Variants in FAM149A observed in about 807,000 individuals in gnomAD.
The protein encoded by FAM149A is family with sequence similarity 149 member A.
Under a neutral mutation model 78.2 loss-of-function variants are expected in FAM149A, and 71 were observed. The ratio of observed to expected loss-of-function variants is 0.91; its 90% CI spans 0.75 to 1.11. The LOEUF (loss-of-function observed/expected upper bound fraction) is 1.11. Among genes scored for constraint, FAM149A ranks in the 50% least tolerant of loss-of-function variants. FAM149A has a pLI of 0.00. For synonymous variants in FAM149A, 446 were observed against 410.5 expected, an observed-to-expected ratio of 1.09 and a Z score of -1.04; for missense variants, 1,036 against 971.0, an observed-to-expected ratio of 1.07 and a Z score of -0.89.
At chr4:186,152,365 C>G (rs73873739) in intron 4 of FAM149A, among the ~76,000 whole-genome samples, 315 of 152,250 alleles carry the variant, frequency 2.1e-3, no homozygotes, top group African/African-American at 7.2e-3. Flanking sequence ...CAGCACATGT[C>G]TGTCTTCATC....
chr4:186,147,499 G>A (rs1733149645), intron 1 of FAM149A, among the ~76,000 whole-genome samples: 1 of 152,218 alleles, frequency 6.6e-6, no homozygotes, highest in South Asian at 2.1e-4. Flanking sequence ...GAATTCAGGA[G>A]AGGAAAAGTT....
intron 1 of FAM149A, among the ~76,000 whole-genome samples, chr4:186,106,278 C>A (rs2099308718): frequency 6.6e-6 from 1 of 152,196 alleles, no homozygotes; most frequent in Admixed American, 6.5e-5. Context: ...AACATTTTCA[C>A]TGGGAATCGG....
intron 1 of FAM149A, among the ~76,000 whole-genome samples, chr4:186,133,680 G>A (rs1156523585): frequency 6.6e-6 from 1 of 152,068 alleles, no homozygotes; most frequent in Non-Finnish European, 1.5e-5. Context: ...TTTAGAGATG[G>A]GGTCCTGCTC....
At chr4:186,167,509 CTCA>C (rs1465065921) in intron 13 of FAM149A, 23 of 272,536 alleles carry the variant, frequency 8.4e-5, no homozygotes, top group East Asian at 2.5e-4. Context: ...GGGGGCCTCA[CTCA>C]AAAAAAAAAA....
Position 186,164,631 on chromosome 4 carries a change from C to T in FAM149A, c.1890-713C>T, listed in dbSNP as rs541991943. ...CTCCCTCCTCCGCCTCGCTTCCCCC[C>T]ATGCCAGTCAGCAGCACACGGTGCC... On this transcript the variant is annotated intron_variant, in intron 10 of 13. Transcript: ENST00000389354. The surrounding 1 kb of genome is among the most constrained non-coding windows in gnomAD (Gnocchi z 4.0). The T allele has an allele frequency of 4.0e-5, 12 of 299,874 alleles. No individual in the cohort carries two copies. The highest frequency in any genetic ancestry group is 1.7e-3 in the Middle Eastern group (1 of 572). The allele number at this position is 299,874 out of a possible 1,614,324, so 18.6% of individuals were successfully genotyped here.
intron 8 of FAM149A, 175 bp downstream of exon 8, chr4:186,157,894 C>G (rs1291413089): frequency 6.5e-7 from 1 of 1,535,240 alleles, no homozygotes; most frequent in East Asian, 2.4e-5. Context: ...CACAGTGTCA[C>G]AATGCCTGGA....
At chr4:186,105,850 C>T (rs1317972882) in intron 1 of FAM149A, among the ~76,000 whole-genome samples, 4 of 152,196 alleles carry the variant, frequency 2.6e-5, no homozygotes, top group South Asian at 2.1e-4. Context: ...CATGCTTTGT[C>T]CAGCTTTCTC....
intron 1 of FAM149A, among the ~76,000 whole-genome samples, chr4:186,108,200 TGGAAAG>T (rs1352619549): frequency 1.3e-5 from 2 of 151,926 alleles, no homozygotes; most frequent in Non-Finnish European, 2.9e-5. Flanking sequence ...CCTGGAAACT[TGGAAAG>T]GGAGAAATGG....
chr4:186,124,379 A>G (rs2099317365), intron 1 of FAM149A: 2 of 309,078 alleles, frequency 6.5e-6, no homozygotes, highest in Admixed American at 1.3e-4. Flanking sequence ...CGTCATTTAC[A>G]TTAGGTATAT....
chr4:186,163,042 G>T (rs1186770062), intron 9 of FAM149A, 94 bp downstream of exon 9: 11 of 780,502 alleles, frequency 1.4e-5, no homozygotes, highest in Non-Finnish European at 2.4e-5. Context: ...GATCACGAAG[G>T]TCCCATTTAA....
Position 186,105,505 on chromosome 4 carries a change from C to A in FAM149A, c.429C>A (p.Asn143Lys), listed in dbSNP as rs1191301227. 8.5e-7 allele frequency: 1 copy of A among 1,175,310 alleles called. No homozygotes were observed. Among genetic ancestry groups the A allele is most frequent in the Non-Finnish European group, 1.1e-6 (1 of 941,838 alleles). The allele number at this position is 1,175,310 out of a possible 1,614,324, so 72.8% of individuals were successfully genotyped here. The change falls in exon 1 of 14, where the codon AAC becomes AAA. Residue 143 changes from asparagine (N) to lysine (K), a missense_variant. Physicochemically the swap from Asn to Lys is moderately conservative, Grantham distance 94 (BLOSUM62 0). This residue lies in a region of FAM149A where 316 missense variants were observed against 241.9 expected (regional missense o/e 1.31). Coordinates refer to ENST00000389354, the MANE Select transcript of FAM149A (RefSeq NM_001367768.3). ...GGGTCTGGGCCGCGCTCCCCAGGAA[C>A]CCGCTCCAGCCTGGCCCCGGAGAGC...
At chr4:186,156,221 A>G in intron 7 of FAM149A, 31 bp downstream of exon 7, 1 of 1,586,010 alleles carries the variant, frequency 6.3e-7, no homozygotes. Flanking sequence ...GCTTAATGAA[A>G]AGAAAAAGTC....
At chr4:186,140,404 A>G (rs534822542) in intron 1 of FAM149A, among the ~76,000 whole-genome samples, 5 of 148,796 alleles carry the variant, frequency 3.4e-5, no homozygotes, top group East Asian at 2.0e-4. Flanking sequence ...CAGTCTCCCA[A>G]TTAGCTGTGA....
intron 1 of FAM149A, among the ~76,000 whole-genome samples, chr4:186,106,736 A>C (rs940112577): frequency 1.3e-5 from 2 of 152,204 alleles, no homozygotes; most frequent in Non-Finnish European, 2.9e-5. Context: ...TCATGAGGTC[A>C]GGAGATCGAG....
intron 1 of FAM149A, among the ~76,000 whole-genome samples, chr4:186,110,772 A>G (rs2150078392): frequency 6.8e-6 from 1 of 147,050 alleles, no homozygotes; most frequent in African/African-American, 2.5e-5. Flanking sequence ...TATGTGCCAC[A>G]TTTTCTTAAT....
intron 1 of FAM149A, among the ~76,000 whole-genome samples, chr4:186,113,265 G>A (rs2099312074): frequency 1.8e-5 from 2 of 110,260 alleles, no homozygotes; most frequent in African/African-American, 3.5e-5. Context: ...ATTTTTTATT[G>A]TGTCTATTTG....
intron 1 of FAM149A, among the ~76,000 whole-genome samples, chr4:186,148,936 G>A (rs1733250793): frequency 6.6e-6 from 1 of 151,698 alleles, no homozygotes; most frequent in African/African-American, 2.4e-5. Flanking sequence ...TAGGTTAATG[G>A]CAACCTTGAT....
chr4:186,129,649 A>G (rs1018367361), intron 1 of FAM149A, among the ~76,000 whole-genome samples: 1 of 150,858 alleles, frequency 6.6e-6, no homozygotes, highest in Non-Finnish European at 1.5e-5. Flanking sequence ...GATCTTCTCA[A>G]TTGCTGATTG....
chr4:186,139,444 G>T (rs2099324896), intron 1 of FAM149A, among the ~76,000 whole-genome samples: 1 of 152,114 alleles, frequency 6.6e-6, no homozygotes, highest in South Asian at 2.1e-4. Context: ...TCGTGAGTGG[G>T]ATTCATGCCT....
Sources: allele counts gnomAD v4.1 joint callset (sites outside exome capture counted in the v4.1 genomes callset), GRCh38; gene constraint gnomAD v4.1.1; regional missense constraint gnomAD v4.1.1; non-coding constraint Gnocchi (gnomAD v3.1); transcripts MANE v1.5; gene names NCBI Gene and HGNC (gene_info 2026-07-23, HGNC 2026-07-21).